The following RMST variants were observed in gnomAD, a reference collection of about 807,000 sequenced individuals.
The protein encoded by RMST is long intergenic non-protein coding RNA 54.
intron 10 of RMST, among the ~76,000 whole-genome samples, chr12:97,518,459 G>A (rs79778654): frequency 0.021 from 3,139 of 152,154 alleles, 73 homozygotes; most frequent in East Asian, 0.08. Context: ...ATGCTTTAAA[G>A]GTTTCTCACT....
intron 10 of RMST, among the ~76,000 whole-genome samples, chr12:97,501,942 A>G (rs1878121735): frequency 6.6e-6 from 1 of 152,156 alleles, no homozygotes; most frequent in Admixed American, 6.5e-5. Flanking sequence ...CTCAAAGCAC[A>G]TTACTGCTGC....
chr12:97,495,189 G>C, intron 9 of RMST, among the ~76,000 whole-genome samples: 1 of 149,290 alleles, frequency 6.7e-6, no homozygotes, highest in African/African-American at 2.5e-5. Context: ...GGGGGGAGCC[G>C]CTGGGAAAGG....
chr12:97,479,361 C>T (rs946945979), intron 5 of RMST, among the ~76,000 whole-genome samples: 5 of 151,858 alleles, frequency 3.3e-5, no homozygotes, highest in Non-Finnish European at 7.4e-5. Flanking sequence ...GTATGTTGCC[C>T]AGGCTATTCT....
At chr12:97,495,924 A>G (rs1378102202) in intron 9 of RMST, 1 of 152,018 alleles carries the variant, frequency 6.6e-6, no homozygotes, top group Non-Finnish European at 1.5e-5. Context: ...CCTCTATTGT[A>G]TTCCAGTTGG....
intron 5 of RMST, among the ~76,000 whole-genome samples, chr12:97,474,604 A>G (rs1372313667): frequency 2.2e-5 from 3 of 135,672 alleles, no homozygotes; most frequent in Middle Eastern, 4.1e-3. Flanking sequence ...AGACACACAC[A>G]ATTTGAAGAA....
At chr12:97,501,240 A>G (rs1048086211) in intron 10 of RMST, among the ~76,000 whole-genome samples, 1 of 152,228 alleles carries the variant, frequency 6.6e-6, no homozygotes, top group Non-Finnish European at 1.5e-5. Context: ...GGTAGGAAAT[A>G]GACTAAAACA....
At chr12:97,466,792 A>G (rs896500862) in intron 5 of RMST, among the ~76,000 whole-genome samples, 6 of 152,122 alleles carry the variant, frequency 3.9e-5, no homozygotes, top group African/African-American at 1.4e-4. Flanking sequence ...TGTTTCTTGT[A>G]TAGAAATCAT....
At chr12:97,486,021 A>G (rs959958248) in intron 5 of RMST, among the ~76,000 whole-genome samples, 2 of 152,260 alleles carry the variant, frequency 1.3e-5, no homozygotes, top group African/African-American at 2.4e-5. Flanking sequence ...GGTACGCAGA[A>G]TGCATCCTTT....
chr12:97,542,014 A>T (rs1389540662), intron 11 of RMST, among the ~76,000 whole-genome samples: 1 of 151,928 alleles, frequency 6.6e-6, no homozygotes, highest in Non-Finnish European at 1.5e-5. Flanking sequence ...TTTGTCTTTT[A>T]AATTCTGTGG....
intron 5 of RMST, among the ~76,000 whole-genome samples, chr12:97,482,500 T>G (rs1377980667): frequency 6.6e-6 from 1 of 151,926 alleles, no homozygotes; most frequent in African/African-American, 2.4e-5. Context: ...AAATAAATAT[T>G]AATGCTTTAC....
chr12:97,474,521 C>T (rs1232010355), intron 5 of RMST, among the ~76,000 whole-genome samples: 1 of 149,280 alleles, frequency 6.7e-6, no homozygotes, highest in African/African-American at 2.5e-5. Context: ...TCATTTTCCT[C>T]TGGGTGATTT....
chr12:97,517,313 A>C (rs1880037189), intron 10 of RMST, among the ~76,000 whole-genome samples: 1 of 151,900 alleles, frequency 6.6e-6, no homozygotes. Flanking sequence ...TTGGGCAAGC[A>C]TTTAATATAT....
chr12:97,464,423 G>GTTATGTAAATA (rs1170825545), intron 4 of RMST, among the ~76,000 whole-genome samples: 1 of 152,180 alleles, frequency 6.6e-6, no homozygotes, highest in African/African-American at 2.4e-5. Context: ...TCCATTCGGA[G>GTTATGTAAATA]CTTCCTGTGA....
intron 7 of RMST, chr12:97,493,336 AT>A (rs1445710169): frequency 1.3e-5 from 2 of 152,662 alleles, no homozygotes; most frequent in Non-Finnish European, 2.9e-5. Flanking sequence ...ATATGACACA[AT>A]TAACAGAGGC....
rs200176181 is a variant in RMST, at chr12:97,511,150, CTTT to C, written n.1340+15108_1340+15110del. Among the ~76,000 whole-genome samples, 69 of 139,866 alleles carry C rather than the reference CTTT, an allele frequency of 4.9e-4. 1 individual carries two copies. The highest frequency in any genetic ancestry group is 1.2e-3 in the African/African-American group (48 of 38,436). The allele number at this position is 139,866 out of a possible 152,430, so 91.8% of individuals were successfully genotyped here. On this transcript the variant is annotated intron_variant and non_coding_transcript_variant, in intron 10 of 13. Coordinates refer to ENST00000640149, the Ensembl canonical transcript of RMST. ...ACTCTCTGGGAAATTGTACTTCCTT[CTTT>C]TTTTTTTTTTTTTGAGATGGCGTCT...
At chr12:97,517,856 T>C (rs1880095439) in intron 10 of RMST, among the ~76,000 whole-genome samples, 1 of 152,124 alleles carries the variant, frequency 6.6e-6, no homozygotes, top group Non-Finnish European at 1.5e-5. Context: ...TTAAGGAATA[T>C]GTGCATTAAA....
intron 5 of RMST, among the ~76,000 whole-genome samples, chr12:97,469,184 GTGTGTA>G (rs1873584738): frequency 3.8e-5 from 5 of 131,722 alleles, no homozygotes; most frequent in Non-Finnish European, 8.0e-5. Flanking sequence ...GTGTGTGTAT[GTGTGTA>G]TATATATACA....
At chr12:97,522,911 A>G (rs1457176480) in intron 10 of RMST, among the ~76,000 whole-genome samples, 1 of 152,186 alleles carries the variant, frequency 6.6e-6, no homozygotes, top group Non-Finnish European at 1.5e-5. Flanking sequence ...TTATTTTACC[A>G]TATCCAAATT....
At chr12:97,540,941 GATAGATATAGATATAGAT>G (rs11269215) in intron 11 of RMST, among the ~76,000 whole-genome samples, 37 of 145,594 alleles carry the variant, frequency 2.5e-4, no homozygotes, top group Admixed American at 8.3e-4. Flanking sequence ...TAGAGAGATA[GATAGATATAGATATAGAT>G]ATAGATATAG....
Sources: gnomAD v4.1 joint callset for allele counts (sites outside exome capture counted in the v4.1 genomes callset) on GRCh38, gnomAD v4.1.1 for gene constraint, MANE v1.5 for transcripts, NCBI Gene and HGNC (gene_info 2026-07-23, HGNC 2026-07-21) for gene names.